The following ATP2C1 variants were observed in gnomAD, a reference collection of about 807,000 sequenced individuals.
The protein encoded by ATP2C1 is calcium-transporting ATPase type 2C member 1.
In ATP2C1, 31 loss-of-function variants were observed where a neutral mutation model predicts 120.5. The observed-to-expected ratio is 0.26, with a 90% CI of 0.19 to 0.35. ATP2C1 has a LOEUF of 0.35. Among genes scored for constraint, ATP2C1 ranks in the 10% least tolerant of loss-of-function variants. The pLI is 1.00. For synonymous variants in ATP2C1, 351 were observed against 358.7 expected (o/e 0.98, Z 0.24); for missense variants, 731 against 1,107.5 (o/e 0.66, Z 4.83).
chr3:130,986,316 T>G lies in ATP2C1; in HGVS notation c.1839+5637T>G, dbSNP rs114234397. Among the ~76,000 whole-genome samples, 1,137 of 152,174 alleles carry G rather than the reference T, an allele frequency of 7.5e-3. 18 individuals carry two copies. Among genetic ancestry groups the G allele is most frequent in the African/African-American group, 0.026 (1,082 of 41,510 alleles). On this transcript the variant is annotated intron_variant, in intron 20 of 27. Coordinates refer to ENST00000510168, the MANE Select transcript of ATP2C1 (RefSeq NM_001378687.1). ...TAGTAAATGTATGTGAAATCTGCAGTTACTTAAACATTTTACCATTAGACT... is the reference window on the plus strand; with the variant it reads ...TAGTAAATGTATGTGAAATCTGCAGGTACTTAAACATTTTACCATTAGACT...
At chr3:130,925,039 G>T (rs2059142125) in intron 2 of ATP2C1, among the ~76,000 whole-genome samples, 1 of 152,064 alleles carries the variant, frequency 6.6e-6, no homozygotes, top group Non-Finnish European at 1.5e-5. Context: ...CCTTTGATTA[G>T]CTTAATAATT....
chr3:131,003,644 A>T (rs760036847), downstream of ATP2C1, among the ~76,000 whole-genome samples: 3 of 152,210 alleles, frequency 2.0e-5, no homozygotes, highest in African/African-American at 7.2e-5. Flanking sequence ...AAGTGAAACC[A>T]TGAAACCCGA....
At chr3:130,990,875 C>A (rs1302472045) in intron 20 of ATP2C1, among the ~76,000 whole-genome samples, 5 of 152,134 alleles carry the variant, frequency 3.3e-5, no homozygotes, top group African/African-American at 1.2e-4. Flanking sequence ...GCCTCAGCAA[C>A]TGCACATATG....
intron 2 of ATP2C1, among the ~76,000 whole-genome samples, chr3:130,897,326 G>A (rs1439159296): frequency 2.0e-5 from 3 of 152,180 alleles, no homozygotes; most frequent in East Asian, 1.9e-4. Flanking sequence ...GACAAGTAAT[G>A]TTTTCCTCTC....
At position 130,962,690 on chromosome 3, in the gene ATP2C1, G is replaced by A. The variant is rs1336692091; in HGVS notation, c.900-1281G>A. 2.9e-5 allele frequency among the ~76,000 whole-genome samples: 4 copies of A among 136,660 alleles called. No homozygotes were observed. In the Admixed American group the frequency reaches 3.1e-4, roughly 11 times the overall value. 89.7% of individuals were successfully genotyped at this position (136,660 alleles called of 152,430 possible). On this transcript the variant is annotated intron_variant, in intron 12 of 27. Coordinates refer to ENST00000510168, the MANE Select transcript of ATP2C1 (RefSeq NM_001378687.1). ...TTGTATCTAGATTGTAAGTGATAAT[G>A]CCTGTTTTTCCTTAATGGAAGCATT...
Position 130,980,634 on chromosome 3 carries a change from A to G in ATP2C1, c.1794A>G (p.Glu598=), listed in dbSNP as rs779743774. The change falls in exon 20 of 28, where the codon GAA becomes GAG. Residue 598 remains glutamate, a synonymous_variant. Transcript: ENST00000510168. ...SKTSQSVSGE[E]IDAMDVQQLS... ...CTTCCCAGTCAGTCTCAGGAGAAGA[A>G]ATAGATGCAATGGATGTTCAGCAGC... 1 of 1,613,450 alleles carries G rather than the reference A, an allele frequency of 6.2e-7. No homozygotes were observed. The highest frequency in any genetic ancestry group is 8.5e-7 in the Non-Finnish European group (1 of 1,179,546).
At chr3:130,888,992 A>C (rs1198790947) in intron 1 of ATP2C1, among the ~76,000 whole-genome samples, 2 of 152,254 alleles carry the variant, frequency 1.3e-5, no homozygotes, top group African/African-American at 4.8e-5. Flanking sequence ...CATACATTTA[A>C]GAAAGATTAA....
chr3:130,986,082 T>C (rs1281621729), intron 20 of ATP2C1, among the ~76,000 whole-genome samples: 1 of 152,108 alleles, frequency 6.6e-6, no homozygotes, highest in Non-Finnish European at 1.5e-5. Flanking sequence ...TATGTTGGGA[T>C]CATAGATGAC....
intron 2 of ATP2C1, among the ~76,000 whole-genome samples, chr3:130,916,233 C>T (rs2058681118): frequency 1.4e-5 from 2 of 147,810 alleles, no homozygotes; most frequent in Admixed American, 1.4e-4. Flanking sequence ...CGGTGAAACC[C>T]TGTCTCTACT....
chr3:130,858,203 G>A (rs367886128), intron 1 of ATP2C1, among the ~76,000 whole-genome samples: 1 of 152,032 alleles, frequency 6.6e-6, no homozygotes, highest in African/African-American at 2.4e-5. Context: ...TGACTCAAAT[G>A]TTAATCCCCT....
intron 27 of ATP2C1, 143 bp downstream of exon 27, chr3:130,999,802 G>C: frequency 1.3e-6 from 1 of 798,974 alleles, no homozygotes; most frequent in Non-Finnish European, 1.9e-6. Context: ...TTTTCACTTG[G>C]GGAAGCTCAG....
intron 2 of ATP2C1, among the ~76,000 whole-genome samples, chr3:130,910,332 T>C (rs1378918341): frequency 6.7e-6 from 1 of 148,960 alleles, no homozygotes; most frequent in Non-Finnish European, 1.5e-5. Context: ...GCTTATCAGC[T>C]TAAGGAGATT....
intron 2 of ATP2C1, among the ~76,000 whole-genome samples, chr3:130,911,871 C>A (rs2108124596): frequency 6.9e-6 from 1 of 144,810 alleles, no homozygotes; most frequent in East Asian, 2.0e-4. Flanking sequence ...GCTACAGTAA[C>A]CAAAACAGCA....
chr3:130,883,301 TG>T (rs1164587166), intron 1 of ATP2C1, among the ~76,000 whole-genome samples: 2 of 152,204 alleles, frequency 1.3e-5, no homozygotes, highest in Admixed American at 6.5e-5. Context: ...ACTAACTTTT[TG>T]TTTCATTGAC....
At chr3:130,920,779 T>TA (rs1378752304) in intron 2 of ATP2C1, among the ~76,000 whole-genome samples, 1 of 152,210 alleles carries the variant, frequency 6.6e-6, no homozygotes, top group Non-Finnish European at 1.5e-5. Flanking sequence ...TATTGGCATT[T>TA]AAAAATACTA....
intron 3 of ATP2C1, among the ~76,000 whole-genome samples, chr3:130,930,795 A>T (rs72983800): frequency 6.6e-6 from 1 of 152,184 alleles, no homozygotes; most frequent in Non-Finnish European, 1.5e-5. Context: ...AAATAACTAC[A>T]GGTGGCTTAG....
intron 2 of ATP2C1, among the ~76,000 whole-genome samples, chr3:130,911,150 T>C (rs2108113130): frequency 6.9e-6 from 1 of 144,892 alleles, no homozygotes; most frequent in East Asian, 2.0e-4. Context: ...TATTCAGAGA[T>C]TCAACTTCTT....
intron 2 of ATP2C1, among the ~76,000 whole-genome samples, chr3:130,901,005 T>C (rs542847574): frequency 6.6e-5 from 10 of 152,228 alleles, no homozygotes; most frequent in African/African-American, 2.4e-4. Context: ...GGTGGAAATA[T>C]TAGTTGGCTT....
At position 130,894,891 on chromosome 3, in the gene ATP2C1, A is replaced by G. The variant is rs2069456799; in HGVS notation, c.6+116A>G. The G allele has an allele frequency of 3.6e-6, 4 of 1,112,666 alleles. No individual in the cohort carries two copies. The highest frequency in any genetic ancestry group is 5.5e-6 in the Non-Finnish European group (4 of 723,640). The allele number at this position is 1,112,666 out of a possible 1,614,324, so 68.9% of individuals were successfully genotyped here. On this transcript the variant is annotated intron_variant, in intron 2 of 27. Coordinates refer to ENST00000510168, the MANE Select transcript of ATP2C1 (RefSeq NM_001378687.1). This position sits in a 1 kb window ranked among gnomAD's most constrained non-coding sequence, Gnocchi z 4.5. ...TCGTGAGCTTATTTATTTACTGTGT[A>G]TGTGAAGTGTCCAAGGATTTGCTTA...
Sources: allele counts gnomAD v4.1 joint callset (sites outside exome capture counted in the v4.1 genomes callset), GRCh38; gene constraint gnomAD v4.1.1; non-coding constraint Gnocchi (gnomAD v3.1); transcripts MANE v1.5; gene names NCBI Gene and HGNC (gene_info 2026-07-23, HGNC 2026-07-21).